Variants in AK3 observed in about 807,000 individuals in gnomAD.
AK3 encodes adenylate kinase 3, also known as GTP:AMP phosphotransferase AK3, mitochondrial.
In AK3, 27 loss-of-function variants were observed where a neutral mutation model predicts 23.7. The ratio of observed to expected loss-of-function variants is 1.14; its 90% CI spans 0.84 to 1.57. The LOEUF (loss-of-function observed/expected upper bound fraction) is 1.57. Ranked by LOEUF, AK3 falls within the 40% of genes most tolerant of loss-of-function variation. The probability of loss-of-function intolerance (pLI) is 0.00; values close to 1 mark genes in which losing one functional copy is unlikely to be tolerated. For missense variants in AK3, 406 were observed against 285.6 expected, an observed-to-expected ratio of 1.42 and a Z score of -3.04; for synonymous variants, 159 against 116.0, an observed-to-expected ratio of 1.37 and a Z score of -2.38.
At chr9:4,735,408 AAT>A (rs372866258) in intron 1 of AK3, among the ~76,000 whole-genome samples, 3 of 77,328 alleles carry the variant, frequency 3.9e-5, no homozygotes, top group South Asian at 3.7e-4. Flanking sequence ...TACATATATA[AAT>A]ATATATACAT....
At chr9:4,729,015 A>ATATATATATTTTTTTTT (rs71326127) in intron 1 of AK3, among the ~76,000 whole-genome samples, 5 of 129,448 alleles carry the variant, frequency 3.9e-5, no homozygotes, top group South Asian at 2.5e-4. Context: ...ATATATATAT[A>ATATATATATTTTTTTTT]TTTTTTTTTT....
chr9:4,726,165 G>A (rs1025740177), intron 1 of AK3, among the ~76,000 whole-genome samples: 1 of 152,154 alleles, frequency 6.6e-6, no homozygotes, highest in African/African-American at 2.4e-5. Flanking sequence ...TGCTGATGGA[G>A]GGTCTTGCCT....
At chr9:4,722,985 C>T (rs575696043) in intron 1 of AK3, among the ~76,000 whole-genome samples, 7 of 152,140 alleles carry the variant, frequency 4.6e-5, no homozygotes, top group Admixed American at 6.5e-5. Context: ...ACGGGGGAAT[C>T]GCTTGAACCC....
intron 1 of AK3, among the ~76,000 whole-genome samples, chr9:4,734,036 C>A (rs1842214427): frequency 1.3e-5 from 2 of 152,110 alleles, no homozygotes; most frequent in South Asian, 4.1e-4. Context: ...TCCCCTAAAT[C>A]TGTATGTTGG....
chr9:4,731,522 C>T (rs776573671), intron 1 of AK3, among the ~76,000 whole-genome samples: 4 of 151,224 alleles, frequency 2.6e-5, no homozygotes, highest in African/African-American at 9.7e-5. Flanking sequence ...AAGCATTTAT[C>T]CACAATATTT....
upstream of AK3, chr9:4,741,219 CCCGGAAGTGAG>C (rs1353567368): frequency 2.9e-5 from 31 of 1,080,482 alleles, no homozygotes; most frequent in Non-Finnish European, 3.8e-5. Flanking sequence ...CCCCGGCGTT[CCCGGAAGTGAG>C]CCGACAGCCC....
At chr9:4,728,296 C>A (rs1250238337) in intron 1 of AK3, among the ~76,000 whole-genome samples, 2 of 152,144 alleles carry the variant, frequency 1.3e-5, no homozygotes, top group African/African-American at 4.8e-5. Flanking sequence ...TTAGGCCAGG[C>A]ACAATGGCTC....
Position 4,718,429 on chromosome 9 carries a change from C to A in AK3, c.553G>T (p.Glu185Ter). Residue 185 changes from glutamate (E) to a stop codon, truncating the protein, a stop_gained, in exon 4 of 5, where the codon GAA becomes TAA. Transcript: ENST00000381809. LOFTEE classifies it high-confidence loss of function. ...AYEDQTKPVL[E>*]YYQKKGVLET... Reference sequence around the variant, plus strand: ...AAAGCAAAAACTCACTGGTAATATTCCAGGACTGGCTTTGTTTGGTCTTCA... The same window carrying A: ...AAAGCAAAAACTCACTGGTAATATTACAGGACTGGCTTTGTTTGGTCTTCA... 1 of 1,611,992 alleles carries A rather than the reference C, an allele frequency of 6.2e-7. No homozygotes were observed. The highest frequency in any genetic ancestry group is 2.2e-5 in the East Asian group (1 of 44,864).
At chr9:4,720,372 A>G (rs1841863201) in intron 2 of AK3, among the ~76,000 whole-genome samples, 1 of 152,196 alleles carries the variant, frequency 6.6e-6, no homozygotes, top group South Asian at 2.1e-4. Flanking sequence ...ATTAGTAGAA[A>G]TAATATATTT....
intron 4 of AK3, among the ~76,000 whole-genome samples, chr9:4,717,370 TGCAGACAAAACAAGA>T (rs982039311): frequency 2.4e-4 from 36 of 152,342 alleles, no homozygotes; most frequent in Admixed American, 3.3e-4. Context: ...CTATACGTGT[TGCAGACAAAACAAGA>T]GCAGACAAAA....
Position 4,713,032 on chromosome 9 carries a change from C to G in AK3, c.628G>C (p.Ala210Pro), listed in dbSNP as rs766217778. 6.2e-7 allele frequency: 1 copy of G among 1,613,760 alleles called. No homozygotes were observed. Among genetic ancestry groups the G allele is most frequent in the South Asian group, 1.1e-5 (1 of 91,062 alleles). Residue 210 changes from alanine (A) to proline (P), a missense_variant, in exon 5 of 5, where the codon GCT becomes CCT. By Grantham distance (27) the Ala-to-Pro change is conservative. Transcript: ENST00000381809. ...TGTGGAACTTTAGTTTGTAGGAAAG[C>G]ATATACATAGGGCCAAATCTTGTTG... ...ETNKIWPYVY[A>P]FLQTKVPQRS...
chr9:4,725,751 G>A (rs952817838), intron 1 of AK3, among the ~76,000 whole-genome samples: 1 of 152,052 alleles, frequency 6.6e-6, no homozygotes, highest in Admixed American at 6.5e-5. Flanking sequence ...AATGTTAAAC[G>A]GGCATAGGAT....
chr9:4,736,269 T>A (rs906704163), intron 1 of AK3, among the ~76,000 whole-genome samples: 1 of 152,002 alleles, frequency 6.6e-6, no homozygotes, highest in African/African-American at 2.4e-5. Flanking sequence ...AATGGGGCAC[T>A]CCATATGCAA....
At chr9:4,725,457 G>A (rs1026309404) in intron 1 of AK3, among the ~76,000 whole-genome samples, 2 of 151,998 alleles carry the variant, frequency 1.3e-5, no homozygotes, top group East Asian at 1.9e-4. Flanking sequence ...AAAACTTTTT[G>A]TGCTTCAAAG....
rs745705265 is a variant in AK3 at position 4,740,967 on chromosome 9, G to A, written c.121C>T (p.Leu41=). 6.3e-7 allele frequency: 1 copy of A among 1,583,926 alleles called. No homozygotes were observed. The highest frequency in any genetic ancestry group is 1.1e-5 in the South Asian group (1 of 87,530). The change falls in exon 1 of 5, where the codon CTG becomes TTG. Residue 41 remains leucine, a synonymous_variant. Transcript: ENST00000381809. ...FELKHLSSGD[L]LRDNMLRGTE... ...CCCCGCAGCATGTTGTCCCGGAGCA[G>A]GTCCCCGCTGGAGAGGTGCTTCAGC...
upstream of AK3, chr9:4,741,330 T>C (rs1258317084): frequency 8.8e-5 from 32 of 363,282 alleles, no homozygotes; most frequent in African/African-American, 6.3e-4. Context: ...GAGCGCCTGT[T>C]CCCGCCCAGC....
At chr9:4,718,388 G>T (rs750601704) in intron 4 of AK3, 31 bp downstream of exon 4, 2 of 1,509,748 alleles carry the variant, frequency 1.3e-6, no homozygotes, top group South Asian at 1.1e-5. Flanking sequence ...GCACCACTAC[G>T]CAAGAGAAGT....
In AK3 at chr9:4,715,727, G is replaced by A. The variant is rs79053784; in HGVS notation, c.564-2631C>T. The stretch of plus-strand genomic sequence containing the variant: ...CCATATTTTGATATTTTGACAGAAC[G>A]AATCCCAACAACCCCTGGTACTTCA... On this transcript the variant is annotated intron_variant, in intron 4 of 4. Transcript: ENST00000381809. Among the ~76,000 whole-genome samples the A allele has an allele frequency of 4.5e-3, 692 of 152,130 alleles. 2 individuals are homozygous for A. Among genetic ancestry groups the A allele is most frequent in the African/African-American group, 0.016 (658 of 41,508 alleles).
rs1300646106 is a variant in AK3, at chr9:4,712,749, G to A, written c.*227C>T. On this transcript the variant is annotated 3_prime_UTR_variant, in exon 5 of 5. Coordinates refer to ENST00000381809, the MANE Select transcript of AK3 (RefSeq NM_016282.4). ...TTTTAAAGGTTCAGACATCGCTGATGTTTTTGAGGATAACTGCATACAACA... is the reference window on the plus strand; with the variant it reads ...TTTTAAAGGTTCAGACATCGCTGATATTTTTGAGGATAACTGCATACAACA... 5.6e-6 allele frequency: 2 copies of A among 356,312 alleles called. No homozygotes were observed. Among genetic ancestry groups the A allele is most frequent in the Non-Finnish European group, 4.8e-6 (1 of 206,506 alleles). 22.1% of individuals were successfully genotyped at this position (356,312 alleles called of 1,614,324 possible).
Sources: allele counts gnomAD v4.1 joint callset (sites outside exome capture counted in the v4.1 genomes callset), GRCh38; gene constraint gnomAD v4.1.1; transcripts MANE v1.5; gene names NCBI Gene and HGNC (gene_info 2026-07-23, HGNC 2026-07-21).